Variants in DOP1B observed in about 807,000 individuals in gnomAD.
DOP1B encodes the protein protein DOP1B.
A neutral mutation model predicts 233.5 loss-of-function variants in DOP1B; 174 were observed. The observed-to-expected ratio is 0.75, with a 90% confidence interval of 0.66 to 0.85. DOP1B has a LOEUF of 0.85. Among genes scored for constraint, DOP1B ranks in the 40% least tolerant of loss-of-function variants. The pLI, the probability that DOP1B is intolerant of heterozygous loss-of-function variation, is 0.00. For missense variants in DOP1B, 2,652 were observed against 2,846.6 expected, an observed-to-expected ratio of 0.93 and a Z score of 1.56; for synonymous variants, 1,190 against 1,185.6, an observed-to-expected ratio of 1.00 and a Z score of -0.08.
At position 36,184,895 on chromosome 21, in the gene DOP1B, G is replaced by A. The variant is rs79791498; in HGVS notation, c.139-14175G>A. The stretch of plus-strand genomic sequence containing the variant: ...GCCTCTGGGAGTTCTCTAGAAGAAG[G>A]CGCTGGGGAGGAGGAGTTAACATCT... On this transcript the variant is annotated intron_variant, in intron 2 of 36. Transcript: ENST00000691173. Among the ~76,000 whole-genome samples, 1,030 of 152,338 alleles carry A rather than the reference G, an allele frequency of 6.8e-3. 12 individuals carry two copies. The highest frequency in any genetic ancestry group is 0.023 in the African/African-American group (939 of 41,578).
intron 13 of DOP1B, among the ~76,000 whole-genome samples, chr21:36,228,831 CATG>C (rs2066724864): frequency 6.7e-6 from 1 of 148,256 alleles, no homozygotes; most frequent in Admixed American, 6.7e-5. Context: ...AATAAAAAGG[CATG>C]GTGGTGTTCA....
At chr21:36,212,784 C>T (rs1569024713) in intron 7 of DOP1B, among the ~76,000 whole-genome samples, 1 of 152,034 alleles carries the variant, frequency 6.6e-6, no homozygotes, top group Admixed American at 6.6e-5. Context: ...ACATTTAGAT[C>T]TTTTTTTTCC....
At chr21:36,166,606 A>G (rs2065913509) in intron 2 of DOP1B, among the ~76,000 whole-genome samples, 1 of 152,132 alleles carries the variant, frequency 6.6e-6, no homozygotes, top group Non-Finnish European at 1.5e-5. Flanking sequence ...CCACTACAAC[A>G]TGTAGGTAGA....
Position 36,246,729 on chromosome 21 carries a change from A to G in DOP1B, c.4697+52A>G. The G allele has an allele frequency of 6.4e-7, 1 of 1,554,748 alleles. No individual in the cohort carries two copies. The highest frequency in any genetic ancestry group is 8.7e-7 in the Non-Finnish European group (1 of 1,146,190). On this transcript the variant is annotated intron_variant, in intron 19 of 36. Transcript: ENST00000691173. This position sits in a 1 kb window ranked among gnomAD's most constrained non-coding sequence, Gnocchi z 5.1. The stretch of plus-strand genomic sequence containing the variant: ...TATTGCTTTAGTGATGGTTTTTATA[A>G]CGAATGACTGTTTTGCCACGGATGT...
chr21:36,266,417 A>G (rs1449768261), intron 26 of DOP1B, among the ~76,000 whole-genome samples: 1 of 152,088 alleles, frequency 6.6e-6, no homozygotes, highest in African/African-American at 2.4e-5. Context: ...CTCGTGATCC[A>G]GCCGCCTCAG....
chr21:36,190,890 G>A (rs1173049368), intron 2 of DOP1B, among the ~76,000 whole-genome samples: 1 of 152,214 alleles, frequency 6.6e-6, no homozygotes, highest in African/African-American at 2.4e-5. Context: ...AGATGAGAAA[G>A]GTAGTGTGAG....
intron 23 of DOP1B, among the ~76,000 whole-genome samples, chr21:36,255,876 T>G (rs1007599567): frequency 6.6e-6 from 1 of 152,194 alleles, no homozygotes; most frequent in African/African-American, 2.4e-5. Flanking sequence ...CCTTGTAATT[T>G]TTCTGCTCAA....
chr21:36,204,342 A>T (rs2066404237), intron 4 of DOP1B, among the ~76,000 whole-genome samples: 1 of 152,202 alleles, frequency 6.6e-6, no homozygotes, highest in Admixed American at 6.5e-5. Context: ...GGGAGGCCAT[A>T]GTACAGAGTT....
rs775653676 is a variant in DOP1B, at chr21:36,230,562, T to C, written c.1778T>C (p.Leu593Pro). The change falls in exon 14 of 37, where the codon CTC becomes CCC. Residue 593 changes from leucine (L) to proline (P), a missense_variant. Leu to Pro is a moderately conservative substitution (Grantham distance 98, BLOSUM62 -3). This residue lies in a region of DOP1B where 2,617 missense variants were observed against 2,794.3 expected (regional missense o/e 0.94). Transcript: ENST00000691173. ...AAGTCTGAGGACAGTGGGATCGGGC[T>C]CAGTGCCTCGTCACCGGAGCTCTCT... ...PLKSEDSGIGLSASSPELSEH... is the reference protein window; with the variant it reads ...PLKSEDSGIGPSASSPELSEH... 1 of 1,614,212 alleles carries C rather than the reference T, an allele frequency of 6.2e-7. No individual in the cohort carries two copies. The highest frequency in any genetic ancestry group is 1.7e-5 in the Admixed American group (1 of 60,022).
At chr21:36,211,862 C>G in intron 6 of DOP1B, 112 bp from the exon 7 acceptor site, 1 of 1,507,504 alleles carries the variant, frequency 6.6e-7, no homozygotes, top group East Asian at 2.3e-5. Context: ...TGTAAGGAAC[C>G]AGCCCATTTT....
At chr21:36,165,959 C>T (rs2065907349) in intron 2 of DOP1B, among the ~76,000 whole-genome samples, 2 of 151,462 alleles carry the variant, frequency 1.3e-5, no homozygotes, top group African/African-American at 2.4e-5. Context: ...TCAAGTGATC[C>T]ACCCACCTCG....
In DOP1B at chr21:36,240,022, A is replaced by G. The variant is rs2066875611; in HGVS notation, c.3067+67A>G. The G allele has an allele frequency of 3.1e-5, 46 of 1,498,482 alleles. No individual in the cohort carries two copies. The South Asian group carries it at 5.5e-4, about 18-fold the overall frequency. The allele number at this position is 1,498,482 out of a possible 1,614,324, so 92.8% of individuals were successfully genotyped here. ...GTGGGGGGACTGGACCTCAGCAGTG[A>G]TAGCTGAGAGACTGAGGCCCACTAG... On this transcript the variant is annotated intron_variant, in intron 18 of 36. Coordinates refer to ENST00000691173, the MANE Select transcript of DOP1B (RefSeq NM_001320714.2).
chr21:36,275,672 T>TGGGAACATGTG (rs2067341953), intron 27 of DOP1B, among the ~76,000 whole-genome samples: 1 of 151,428 alleles, frequency 6.6e-6, no homozygotes, highest in African/African-American at 2.4e-5. Flanking sequence ...GCACCCCACC[T>TGGGAACATGTG]GGGAACATGT....
At chr21:36,157,140 C>T (rs1373136982) in intron 1 of DOP1B, among the ~76,000 whole-genome samples, 197 bp downstream of exon 1, 1 of 151,970 alleles carries the variant, frequency 6.6e-6, no homozygotes, top group Non-Finnish European at 1.5e-5. Context: ...TGCTGCAGTG[C>T]GGGGGCGGAG....
At chr21:36,256,613 G>T (rs1476111873) in intron 23 of DOP1B, among the ~76,000 whole-genome samples, 1 of 152,210 alleles carries the variant, frequency 6.6e-6, no homozygotes, top group East Asian at 1.9e-4. Context: ...ATCTGTGCGT[G>T]CAGCGCGTTA....
At position 36,245,443 on chromosome 21, in the gene DOP1B, T is replaced by A; in HGVS notation, c.3463T>A (p.Tyr1155Asn). 1 of 1,613,930 alleles carries A rather than the reference T, an allele frequency of 6.2e-7. No individual in the cohort carries two copies. The highest frequency in any genetic ancestry group is 1.1e-5 in the South Asian group (1 of 91,084). The change falls in exon 19 of 37, where the codon TAC (tyrosine) becomes AAC (asparagine). Residue 1155 changes from tyrosine (Y) to asparagine (N), a missense_variant. Physicochemically the swap from Tyr to Asn is moderately radical, Grantham distance 143. This residue lies in a region of DOP1B where 2,617 missense variants were observed against 2,794.3 expected (regional missense o/e 0.94). Coordinates refer to ENST00000691173, the MANE Select transcript of DOP1B (RefSeq NM_001320714.2). This position sits in a 1 kb window ranked among gnomAD's most constrained non-coding sequence, Gnocchi z 5.5. ...CAPIPMGGRAYPKRSALLAAF... is the reference protein window; with the variant it reads ...CAPIPMGGRANPKRSALLAAF... ...ACCCATCCCCATGGGGGGCAGGGCG[T>A]ACCCCAAGCGCTCGGCCCTGCTGGC...
In DOP1B at chr21:36,246,938, G is replaced by A. The variant is rs2066973600; in HGVS notation, c.4697+261G>A. The stretch of plus-strand genomic sequence containing the variant: ...TCTGTCACCCAGGCTGGAGTGCAGT[G>A]GCATGACCTCAGCTCACTGCAACCT... On this transcript the variant is annotated intron_variant, in intron 19 of 36. Coordinates refer to ENST00000691173, the MANE Select transcript of DOP1B (RefSeq NM_001320714.2). The surrounding 1 kb of genome is among the most constrained non-coding windows in gnomAD (Gnocchi z 5.1). Among the ~76,000 whole-genome samples the A allele has an allele frequency of 6.6e-6, 1 of 152,116 alleles. No homozygotes were observed. The highest frequency in any genetic ancestry group is 2.4e-5 in the African/African-American group (1 of 41,414).
At chr21:36,168,733 A>G (rs1029109452) in intron 2 of DOP1B, among the ~76,000 whole-genome samples, 19 of 151,784 alleles carry the variant, frequency 1.3e-4, no homozygotes, top group African/African-American at 4.1e-4. Context: ...GGGTTTCACC[A>G]TCTTGGCCAG....
In DOP1B at chr21:36,230,379, A is replaced by G. The variant is rs2066745900; in HGVS notation, c.1666-71A>G. 6.1e-6 allele frequency: 9 copies of G among 1,470,144 alleles called. No homozygotes were observed. The Admixed American group carries it at 8.4e-5, about 14-fold the overall frequency. 91.1% of individuals were successfully genotyped at this position (1,470,144 alleles called of 1,614,324 possible). A position where few individuals can be genotyped will look rare whatever the true frequency, so the allele number is the denominator to read the frequency against. ...TGAAAAACAGAATTGAAATACATTC[A>G]TGATTTCAACTGATACTTAAATAGC... On this transcript the variant is annotated intron_variant, in intron 13 of 36. Transcript: ENST00000691173.
Sources: gnomAD v4.1 joint callset for allele counts (sites outside exome capture counted in the v4.1 genomes callset) on GRCh38, gnomAD v4.1.1 for gene constraint, gnomAD v4.1.1 regional missense constraint, Gnocchi (gnomAD v3.1) non-coding constraint, MANE v1.5 for transcripts, NCBI Gene and HGNC (gene_info 2026-07-23, HGNC 2026-07-21) for gene names.